Variants in RALGAPB observed in about 807,000 individuals in gnomAD.
The protein encoded by RALGAPB is Ral GTPase activating protein non-catalytic subunit beta.
In RALGAPB, 25 loss-of-function variants were observed where a neutral mutation model predicts 161.1. That is an observed-to-expected ratio of 0.16 (90% confidence interval 0.11 to 0.22). RALGAPB has a LOEUF of 0.22. Among genes scored for constraint, RALGAPB ranks in the 10% least tolerant of loss-of-function variants. The probability of loss-of-function intolerance (pLI) is 1.00; values close to 1 mark genes in which losing one functional copy is unlikely to be tolerated. For synonymous variants in RALGAPB, 629 were observed against 626.1 expected, an observed-to-expected ratio of 1.00 and a Z score of -0.07; for missense variants, 1,391 against 1,815.2, an observed-to-expected ratio of 0.77 and a Z score of 4.25.
intron 2 of RALGAPB, among the ~76,000 whole-genome samples, chr20:38,489,379 A>T (rs1033550001): frequency 3.3e-5 from 5 of 152,098 alleles, no homozygotes; most frequent in Non-Finnish European, 7.4e-5. Context: ...TGATGTTCTT[A>T]CTATGTTGCC....
chr20:38,475,112 G>A (rs763742660), intron 1 of RALGAPB, among the ~76,000 whole-genome samples: 9 of 152,144 alleles, frequency 5.9e-5, no homozygotes, highest in Non-Finnish European at 8.8e-5. Flanking sequence ...ACAATCGGAC[G>A]CAATCATGTC....
intron 10 of RALGAPB, among the ~76,000 whole-genome samples, chr20:38,523,481 C>T (rs979361608): frequency 6.6e-6 from 1 of 152,158 alleles, no homozygotes; most frequent in Non-Finnish European, 1.5e-5. Flanking sequence ...ACCAAAACAA[C>T]AGATTCATGA....
rs765654219 is a variant in RALGAPB, at chr20:38,575,028, T to C, written c.*61T>C. On this transcript the variant is annotated 3_prime_UTR_variant, in exon 30 of 30. Coordinates refer to ENST00000262879, the MANE Select transcript of RALGAPB (RefSeq NM_020336.4). ...GGGAACTATAACACAGCAGAACAGTTTGATAGGTGATCACTGTAAAAATAA... is the reference window on the plus strand; with the variant it reads ...GGGAACTATAACACAGCAGAACAGTCTGATAGGTGATCACTGTAAAAATAA... 1.1e-5 allele frequency: 15 copies of C among 1,326,500 alleles called. No individual in the cohort carries two copies. The African/African-American group carries it at 1.6e-4, about 14-fold the overall frequency. The allele number at this position is 1,326,500 out of a possible 1,614,324, so 82.2% of individuals were successfully genotyped here.
Position 38,553,850 on chromosome 20 carries a change from T to C in RALGAPB, c.3163-17T>C. 7.3e-7 allele frequency: 1 copy of C among 1,369,328 alleles called. No homozygotes were observed. Among genetic ancestry groups the C allele is most frequent in the Admixed American group, 2.0e-5 (1 of 51,150 alleles). The allele number at this position is 1,369,328 out of a possible 1,614,324, so 84.8% of individuals were successfully genotyped here. ...TTGATAATAGTTTCAAAAAATGAAATATTTGGTTTATTACAGTTAGAAGAG... is the reference window on the plus strand; with the variant it reads ...TTGATAATAGTTTCAAAAAATGAAACATTTGGTTTATTACAGTTAGAAGAG... On this transcript the variant is annotated splice_polypyrimidine_tract_variant and intron_variant, in intron 21 of 29. Coordinates refer to ENST00000262879, the MANE Select transcript of RALGAPB (RefSeq NM_020336.4).
intron 6 of RALGAPB, among the ~76,000 whole-genome samples, chr20:38,513,658 A>AAAAAT (rs2086040220): frequency 6.6e-6 from 1 of 151,980 alleles, no homozygotes; most frequent in South Asian, 2.1e-4. Context: ...AAAAAAAAAA[A>AAAAAT]AAAATTAAAT....
At chr20:38,526,421 C>A (rs1016128412) in intron 13 of RALGAPB, among the ~76,000 whole-genome samples, 1 of 152,034 alleles carries the variant, frequency 6.6e-6, no homozygotes, top group African/African-American at 2.4e-5. Flanking sequence ...CTTCTTCTTG[C>A]CTCTTCCTCT....
chr20:38,554,713 A>G (rs1005889908), intron 22 of RALGAPB, among the ~76,000 whole-genome samples: 1 of 152,230 alleles, frequency 6.6e-6, no homozygotes, highest in Admixed American at 6.5e-5. Context: ...GATACTTGGT[A>G]TAGTACTTAG....
At chr20:38,500,884 A>G (rs2085573392) in intron 5 of RALGAPB, among the ~76,000 whole-genome samples, 1 of 152,172 alleles carries the variant, frequency 6.6e-6, no homozygotes, top group Admixed American at 6.5e-5. Flanking sequence ...CATTTTCTTA[A>G]GCCAAAGCGT....
At chr20:38,549,559 T>TATATACACACACACACACATAC (rs1335466164) in intron 20 of RALGAPB, among the ~76,000 whole-genome samples, 7 of 122,802 alleles carry the variant, frequency 5.7e-5, no homozygotes, top group Non-Finnish European at 1.2e-4. Flanking sequence ...AATATATATA[T>TATATACACACACACACACATAC]ATATACACAC....
chr20:38,574,397 T>A (rs1016681816), intron 29 of RALGAPB, 99 bp downstream of exon 29: 3 of 1,319,950 alleles, frequency 2.3e-6, no homozygotes, highest in Non-Finnish European at 3.1e-6. Context: ...TGATAATTAA[T>A]AGCTTCCACA....
intron 13 of RALGAPB, among the ~76,000 whole-genome samples, chr20:38,528,442 G>T (rs935647337): frequency 4.0e-5 from 6 of 151,452 alleles, no homozygotes; most frequent in African/African-American, 1.5e-4. Context: ...TGCAATCATG[G>T]GTCACTGCAG....
At chr20:38,564,957 C>G (rs2087938108) in intron 24 of RALGAPB, among the ~76,000 whole-genome samples, 2 of 150,540 alleles carry the variant, frequency 1.3e-5, no homozygotes, top group Admixed American at 6.6e-5. Context: ...CTCTCTCTCT[C>G]TCTGTCTCTC....
intron 22 of RALGAPB, among the ~76,000 whole-genome samples, chr20:38,556,651 A>G (rs922978630): frequency 7.9e-5 from 12 of 152,168 alleles, no homozygotes; most frequent in African/African-American, 2.9e-4. Flanking sequence ...TTTAACAATT[A>G]TTAAGAGATA....
chr20:38,576,653 G>A lies in RALGAPB; in HGVS notation c.*1686G>A, dbSNP rs1172512195. 1.3e-5 allele frequency: 2 copies of A among 152,342 alleles called. No homozygotes were observed. Among genetic ancestry groups the A allele is most frequent in the African/African-American group, 4.8e-5 (2 of 41,386 alleles). 9.4% of individuals were successfully genotyped at this position (152,342 alleles called of 1,614,324 possible). ...AATTGATGTTTCCAGATGGTAACAT[G>A]GGAGAGGGCATATAGGATAAAGATG... is the stretch of plus-strand genomic sequence containing the variant. On this transcript the variant is annotated 3_prime_UTR_variant, in exon 30 of 30. Coordinates refer to ENST00000262879, the MANE Select transcript of RALGAPB (RefSeq NM_020336.4).
chr20:38,557,102 T>C (rs541984489), intron 22 of RALGAPB, among the ~76,000 whole-genome samples: 29 of 152,328 alleles, frequency 1.9e-4, no homozygotes, highest in African/African-American at 5.8e-4. Flanking sequence ...CTGAAAGATA[T>C]ACTATGGTTA....
chr20:38,516,884 T>C lies in RALGAPB; in HGVS notation c.1051+514T>C, dbSNP rs550160111. 3.9e-5 allele frequency among the ~76,000 whole-genome samples: 6 copies of C among 152,356 alleles called. No homozygotes were observed. In the East Asian group the frequency reaches 1.2e-3, roughly 29 times the overall value. ...ATGAAAAGTCAATTTTTTAACCTGT[T>C]GAAAGGCAGTGATTTATAATATTTT... On this transcript the variant is annotated intron_variant, in intron 7 of 29. Coordinates refer to ENST00000262879, the MANE Select transcript of RALGAPB (RefSeq NM_020336.4).
intron 6 of RALGAPB, among the ~76,000 whole-genome samples, chr20:38,510,008 C>G (rs1487944731): frequency 6.6e-6 from 1 of 151,640 alleles, no homozygotes; most frequent in Non-Finnish European, 1.5e-5. Context: ...TTTCTATTTC[C>G]TTTGTGTTCT....
At position 38,578,409 on chromosome 20, in the gene RALGAPB, A is replaced by C; in HGVS notation, c.*3442A>C. The stretch of plus-strand genomic sequence containing the variant: ...TTTTAATGGTGAGGGAAAAGGTATA[A>C]TTTGGGATTCCACAGTGCCTTGCAT... On this transcript the variant is annotated 3_prime_UTR_variant, in exon 30 of 30. Coordinates refer to ENST00000262879, the MANE Select transcript of RALGAPB (RefSeq NM_020336.4). 6.6e-6 allele frequency: 1 copy of C among 152,532 alleles called. No homozygotes were observed. The highest frequency in any genetic ancestry group is 1.9e-4 in the East Asian group (1 of 5,196). The allele number at this position is 152,532 out of a possible 1,614,324, so 9.4% of individuals were successfully genotyped here.
At chr20:38,503,450 A>G (rs765436431) in intron 5 of RALGAPB, among the ~76,000 whole-genome samples, 1 of 152,180 alleles carries the variant, frequency 6.6e-6, no homozygotes, top group Non-Finnish European at 1.5e-5. Flanking sequence ...TCAGTGGAAG[A>G]AGTCACTGCA....
Sources: allele counts gnomAD v4.1 joint callset (sites outside exome capture counted in the v4.1 genomes callset), GRCh38; gene constraint gnomAD v4.1.1; transcripts MANE v1.5; gene names NCBI Gene and HGNC (gene_info 2026-07-23, HGNC 2026-07-21).